FNDC3B: variants seen among roughly 807,000 people sequenced by gnomAD.
FNDC3B encodes fibronectin type III domain-containing protein 3B.
In FNDC3B, 12 loss-of-function variants were observed where a neutral mutation model predicts 151.5. The ratio of observed to expected loss-of-function variants is 0.08; its 90% CI spans 0.05 to 0.13. The LOEUF (loss-of-function observed/expected upper bound fraction) is 0.13. Among genes scored for constraint, FNDC3B ranks in the 10% least tolerant of loss-of-function variants. The pLI is 1.00. For synonymous variants in FNDC3B, 528 were observed against 549.0 expected, an observed-to-expected ratio of 0.96 and a Z score of 0.54; for missense variants, 1,214 against 1,505.3, an observed-to-expected ratio of 0.81 and a Z score of 3.20.
chr3:172,362,610 T>A, intron 22 of FNDC3B, 23 bp from the exon 23 acceptor site: 1 of 1,530,886 alleles, frequency 6.5e-7, no homozygotes, highest in Non-Finnish European at 9.1e-7. Context: ...GCATTGTCTG[T>A]ATTTTTTTTT....
intron 23 of FNDC3B, among the ~76,000 whole-genome samples, chr3:172,373,436 G>A (rs901275058): frequency 3.3e-5 from 5 of 152,302 alleles, no homozygotes; most frequent in Non-Finnish European, 5.9e-5. Context: ...AAGAGGAAGA[G>A]GACTAGGAAA....
At chr3:172,283,837 T>C (rs1316544665) in intron 6 of FNDC3B, among the ~76,000 whole-genome samples, 1 of 152,216 alleles carries the variant, frequency 6.6e-6, no homozygotes, top group African/African-American at 2.4e-5. Context: ...TTTTGATTTA[T>C]GGATACAGTT....
chr3:172,176,365 G>A (rs1278893267), intron 3 of FNDC3B, among the ~76,000 whole-genome samples: 4 of 152,168 alleles, frequency 2.6e-5, no homozygotes, highest in Admixed American at 6.5e-5. Flanking sequence ...GAGTGAGCCT[G>A]GTAGTTTCTA....
At chr3:172,218,125 G>A (rs1726090372) in intron 3 of FNDC3B, among the ~76,000 whole-genome samples, 1 of 112,096 alleles carries the variant, frequency 8.9e-6, no homozygotes, top group Non-Finnish European at 1.7e-5. Context: ...GGAGAAGATC[G>A]ACTTTCAGGA....
In FNDC3B at chr3:172,198,264, A is replaced by G. The variant is rs9864492; in HGVS notation, c.188-28607A>G. The stretch of plus-strand genomic sequence containing the variant: ...TAGAGAATCGTATTTAGAAGCCAAG[A>G]TCTGTGGGGGGGTACATGTGCCTGT... On this transcript the variant is annotated intron_variant, in intron 3 of 25. Transcript: ENST00000415807. Among the ~76,000 whole-genome samples the G allele has an allele frequency of 9.2e-3, 1,399 of 152,222 alleles. 26 individuals are homozygous for G. The highest frequency in any genetic ancestry group is 0.032 in the African/African-American group (1,333 of 41,522).
At chr3:172,133,320 T>G (rs1400934239) in intron 2 of FNDC3B, 151 bp from the exon 3 acceptor site, 3 of 620,380 alleles carry the variant, frequency 4.8e-6, no homozygotes, top group Non-Finnish European at 8.6e-6. Flanking sequence ...CCTACCCCCA[T>G]GCCCCCAATT....
At chr3:172,270,261 G>A (rs1434867934) in intron 6 of FNDC3B, among the ~76,000 whole-genome samples, 1 of 152,220 alleles carries the variant, frequency 6.6e-6, no homozygotes, top group African/African-American at 2.4e-5. Context: ...TGCTTTAGCT[G>A]TTGTTCCCTT....
intron 22 of FNDC3B, among the ~76,000 whole-genome samples, chr3:172,355,843 C>T (rs535268088): frequency 6.6e-6 from 1 of 152,246 alleles, no homozygotes; most frequent in African/African-American, 2.4e-5. Context: ...TTTTGGTGGC[C>T]TCGCTGATGT....
intron 1 of FNDC3B, among the ~76,000 whole-genome samples, chr3:172,095,655 T>C (rs1719056828): frequency 6.6e-6 from 1 of 152,178 alleles, no homozygotes; most frequent in South Asian, 2.1e-4. Flanking sequence ...GTACTATTTT[T>C]CCCCTCTCCT....
intron 4 of FNDC3B, among the ~76,000 whole-genome samples, chr3:172,236,473 A>G (rs556858102): frequency 2.0e-5 from 3 of 152,312 alleles, no homozygotes; most frequent in Non-Finnish European, 2.9e-5. Flanking sequence ...GTGTTTTATA[A>G]ACTATTAAGT....
chr3:172,081,832 T>C (rs1162468313), intron 1 of FNDC3B, among the ~76,000 whole-genome samples: 2 of 152,232 alleles, frequency 1.3e-5, no homozygotes, highest in African/African-American at 4.8e-5. Context: ...TTAAGAAATG[T>C]GCTTCAAAGT....
chr3:172,344,111 T>C lies in FNDC3B; in HGVS notation c.2103T>C (p.Cys701=), dbSNP rs200231829. 3 of 1,612,350 alleles carry C rather than the reference T, an allele frequency of 1.9e-6. No individual in the cohort carries two copies. The highest frequency in any genetic ancestry group is 1.7e-5 in the Admixed American group (1 of 59,704). The change falls in exon 19 of 26, where the codon TGT becomes TGC. Residue 701 remains cysteine (C), a synonymous_variant. Coordinates refer to ENST00000415807, the MANE Select transcript of FNDC3B (RefSeq NM_022763.4). ...EWDVPASESG[C]EVSEYSVEMT... ...ATGTTCCTGCATCGGAAAGTGGCTG[T>C]GAGGTCTCAGAGTACAGCGTGGAGA...
intron 4 of FNDC3B, among the ~76,000 whole-genome samples, chr3:172,232,306 A>G (rs1164528195): frequency 6.6e-6 from 1 of 152,270 alleles, no homozygotes; most frequent in Non-Finnish European, 1.5e-5. Flanking sequence ...ATAATTAAAT[A>G]GCCGAAAGTC....
chr3:172,177,719 G>C (rs758062013), intron 3 of FNDC3B, among the ~76,000 whole-genome samples: 42 of 140,046 alleles, frequency 3.0e-4, no homozygotes, highest in Non-Finnish European at 5.7e-4. Context: ...TAAGTTCCAG[G>C]ATACATGTGC....
At chr3:172,329,512 T>C (rs772128376) in intron 12 of FNDC3B, 1 of 155,570 alleles carries the variant, frequency 6.4e-6, no homozygotes, top group Admixed American at 6.5e-5. Flanking sequence ...AGATACGGAA[T>C]TGGAGAAAAC....
At chr3:172,136,314 C>T (rs912467296) in intron 3 of FNDC3B, among the ~76,000 whole-genome samples, 5 of 152,160 alleles carry the variant, frequency 3.3e-5, no homozygotes, top group East Asian at 1.9e-4. Flanking sequence ...AAGCTAGGGG[C>T]GAGCACTTTG....
At chr3:172,254,986 A>G (rs1728257817) in intron 6 of FNDC3B, among the ~76,000 whole-genome samples, 2 of 152,374 alleles carry the variant, frequency 1.3e-5, no homozygotes, top group Non-Finnish European at 2.9e-5. Flanking sequence ...ACACTTTAAT[A>G]TAATGGTAAC....
intron 3 of FNDC3B, among the ~76,000 whole-genome samples, chr3:172,189,799 T>TTAA (rs1724408521): frequency 1.2e-5 from 1 of 84,296 alleles, no homozygotes; most frequent in Non-Finnish European, 2.2e-5. Flanking sequence ...AGACCTTGTC[T>TTAA]AAAAAAAAAA....
In FNDC3B at chr3:172,362,743, C is replaced by A; in HGVS notation, c.2906C>A (p.Ala969Asp). Residue 969 changes from alanine to aspartate, a missense_variant, in exon 23 of 26, where the codon GCT becomes GAT. Ala to Asp is a moderately radical substitution (Grantham distance 126). Transcript: ENST00000415807. Reference sequence around the variant, plus strand: ...CCTCCTAGGCTAGAATGTGCTGCTGCTGGTCCTCAGAGCCTGAAGCTAAAA... The same window carrying A: ...CCTCCTAGGCTAGAATGTGCTGCTGATGGTCCTCAGAGCCTGAAGCTAAAA... ...PLPPRLECAAAGPQSLKLKWG... is the reference protein window; with the variant it reads ...PLPPRLECAADGPQSLKLKWG... 1 of 1,614,036 alleles carries A rather than the reference C, an allele frequency of 6.2e-7. No homozygotes were observed. The highest frequency in any genetic ancestry group is 8.5e-7 in the Non-Finnish European group (1 of 1,179,958).
Sources: gnomAD v4.1 joint callset for allele counts (sites outside exome capture counted in the v4.1 genomes callset) on GRCh38, gnomAD v4.1.1 for gene constraint, MANE v1.5 for transcripts, NCBI Gene and HGNC (gene_info 2026-07-23, HGNC 2026-07-21) for gene names.